ECSIT: variants seen among roughly 807,000 people sequenced by gnomAD.
ECSIT encodes evolutionarily conserved signaling intermediate in Toll pathway, mitochondrial.
A neutral mutation model predicts 36.8 loss-of-function variants in ECSIT; 29 were observed. That is an observed-to-expected ratio of 0.79 (90% CI 0.59 to 1.08). The LOEUF is 1.08. Among genes scored for constraint, ECSIT ranks in the 50% least tolerant of loss-of-function variants. The probability of loss-of-function intolerance (pLI) is 0.00; values close to 1 mark genes in which losing one functional copy is unlikely to be tolerated. For missense variants in ECSIT, 542 were observed against 581.0 expected (o/e 0.93, Z 0.69); for synonymous variants, 231 against 234.8 (o/e 0.98, Z 0.15).
chr19:11,512,850 G>A (rs1971898818), intron 4 of ECSIT, among the ~76,000 whole-genome samples: 1 of 152,092 alleles, frequency 6.6e-6, no homozygotes, highest in Non-Finnish European at 1.5e-5. Flanking sequence ...GGCTGAGGTG[G>A]AAAGATCGCT....
rs750524267 is a variant in ECSIT, at chr19:11,520,810, C to CT, written c.-23-1618dup. Among the ~76,000 whole-genome samples the CT allele has an allele frequency of 7.6e-3, 1,071 of 141,338 alleles. 6 individuals carry two copies. Among genetic ancestry groups the CT allele is most frequent in the Non-Finnish European group, 0.012 (755 of 64,450 alleles). 92.7% of individuals were successfully genotyped at this position (141,338 alleles called of 152,430 possible). A position where few individuals can be genotyped will look rare whatever the true frequency, so the allele number is the denominator to read the frequency against. The stretch of plus-strand genomic sequence containing the variant: ...ATAGTCGTGAGCCACCGCACCCGGG[C>CT]TTTTTTTTTTTTGAGATGGAGTTTC... On this transcript the variant is annotated intron_variant, in intron 1 of 7. Coordinates refer to ENST00000270517, the MANE Select transcript of ECSIT (RefSeq NM_016581.5).
intron 1 of ECSIT, among the ~76,000 whole-genome samples, chr19:11,521,272 C>T (rs772890480): frequency 6.6e-6 from 1 of 152,082 alleles, no homozygotes; most frequent in Non-Finnish European, 1.5e-5. Flanking sequence ...CATGTTTATA[C>T]TTCTCTTGGG....
chr19:11,506,998 A>G (rs1015896553), intron 7 of ECSIT, among the ~76,000 whole-genome samples: 2 of 152,256 alleles, frequency 1.3e-5, no homozygotes, highest in African/African-American at 4.8e-5. Flanking sequence ...TAAGCTCCCC[A>G]AAGTGTAATT....
At chr19:11,516,708 A>C (rs553760020) in intron 2 of ECSIT, among the ~76,000 whole-genome samples, 2 of 146,210 alleles carry the variant, frequency 1.4e-5, no homozygotes, top group East Asian at 2.0e-4. Context: ...CACACACACA[A>C]AACGCTAACA....
chr19:11,513,314 T>C, intron 3 of ECSIT, 35 bp from the exon 4 acceptor site: 1 of 1,560,338 alleles, frequency 6.4e-7, no homozygotes, highest in South Asian at 1.1e-5. Context: ...ACCTCAGAGA[T>C]GGAGGGGGAG....
chr19:11,517,520 C>T (rs1380753171), intron 2 of ECSIT, among the ~76,000 whole-genome samples: 4 of 151,674 alleles, frequency 2.6e-5, no homozygotes, highest in South Asian at 2.1e-4. Flanking sequence ...CACTTGAACC[C>T]GGGAGGCAGA....
rs2144991970 is a variant in ECSIT, at chr19:11,519,723, TC to T, written c.-23-531del. The T allele has an allele frequency of 6.4e-6, 1 of 155,296 alleles. No homozygotes were observed. The highest frequency in any genetic ancestry group is 2.0e-4 in the South Asian group (1 of 5,122). 9.6% of individuals were successfully genotyped at this position (155,296 alleles called of 1,614,324 possible). On this transcript the variant is annotated intron_variant, in intron 1 of 7. Transcript: ENST00000270517. The surrounding 1 kb of genome is among the most constrained non-coding windows in gnomAD (Gnocchi z 4.4). ...TGGCTCACGCCTGTAATCACAACATTCTGGGAGGCTGAGGCGGGCGGATCAC... is the reference window on the plus strand; with the variant it reads ...TGGCTCACGCCTGTAATCACAACATTTGGGAGGCTGAGGCGGGCGGATCAC...
At chr19:11,525,029 A>G (rs1421840168) in intron 1 of ECSIT, among the ~76,000 whole-genome samples, 1 of 151,864 alleles carries the variant, frequency 6.6e-6, no homozygotes, top group Non-Finnish European at 1.5e-5. Context: ...CCCAGCTACT[A>G]GGGAGGCTGA....
chr19:11,521,240 G>A (rs1332821041), intron 1 of ECSIT, among the ~76,000 whole-genome samples: 1 of 152,102 alleles, frequency 6.6e-6, no homozygotes, highest in East Asian at 1.9e-4. Flanking sequence ...ATGAACATTC[G>A]TGTAGAAGTT....
Position 11,514,278 on chromosome 19 carries a change from G to A in ECSIT, c.97-57C>T, listed in dbSNP as rs1296743107. The A allele has an allele frequency of 1.0e-5, 15 of 1,477,768 alleles. No homozygotes were observed. The African/African-American group carries it at 1.3e-4, about 12-fold the overall frequency. The allele number at this position is 1,477,768 out of a possible 1,614,324, so 91.5% of individuals were successfully genotyped here. A position where few individuals can be genotyped will look rare whatever the true frequency, so the allele number is the denominator to read the frequency against. On this transcript the variant is annotated intron_variant, in intron 2 of 7. Transcript: ENST00000270517. ...CACCTCTCAGTGTCTATGGGGGGCCGCCAGGCTGGCTCTTTCCTCAGAGAG... is the reference window on the plus strand; with the variant it reads ...CACCTCTCAGTGTCTATGGGGGGCCACCAGGCTGGCTCTTTCCTCAGAGAG...
At chr19:11,523,698 G>A in intron 1 of ECSIT, 1 of 710,226 alleles carries the variant, frequency 1.4e-6, no homozygotes, top group South Asian at 1.4e-5. Flanking sequence ...TAGGGGAATG[G>A]GTAGCGCTCT....
At chr19:11,515,700 C>T (rs1971985387) in intron 2 of ECSIT, among the ~76,000 whole-genome samples, 1 of 152,152 alleles carries the variant, frequency 6.6e-6, no homozygotes. Flanking sequence ...GTCACACGAT[C>T]TCAGCTCACT....
intron 1 of ECSIT, among the ~76,000 whole-genome samples, chr19:11,523,003 G>A (rs1599590245): frequency 2.0e-5 from 3 of 150,788 alleles, no homozygotes; most frequent in Admixed American, 1.3e-4. Flanking sequence ...CCCGGGAGGC[G>A]GAGCTTGCAG....
In ECSIT at chr19:11,506,373, C is replaced by G. The variant is rs1245948632; in HGVS notation, c.1107G>C (p.Thr369=). 6.2e-7 allele frequency: 1 copy of G among 1,613,658 alleles called. No individual in the cohort carries two copies. The change falls in exon 8 of 8, where the codon ACG becomes ACC. Residue 369 remains threonine, a synonymous_variant. Transcript: ENST00000270517. ...GCAGGCCCTGGATCCACTTAGCCATCGTCGCCTGGTCATGAGCACCCGCCA... is the reference window on the plus strand; with the variant it reads ...GCAGGCCCTGGATCCACTTAGCCATGGTCGCCTGGTCATGAGCACCCGCCA... ...MCMAGAHDQA[T]MAKWIQGLQE... is the part of the protein sequence containing the mutation.
chr19:11,524,302 T>G (rs1467691981), intron 1 of ECSIT, among the ~76,000 whole-genome samples: 1 of 151,878 alleles, frequency 6.6e-6, no homozygotes, highest in African/African-American at 2.4e-5. Context: ...GGTGGGCAGA[T>G]CACGAGGTCA....
chr19:11,520,382 G>A (rs1035141709), intron 1 of ECSIT, among the ~76,000 whole-genome samples: 1 of 152,074 alleles, frequency 6.6e-6, no homozygotes, highest in African/African-American at 2.4e-5. Flanking sequence ...ACGTTGGCCA[G>A]GCTGGTCTCG....
chr19:11,520,476 G>A (rs1972080702), intron 1 of ECSIT, among the ~76,000 whole-genome samples: 1 of 147,552 alleles, frequency 6.8e-6, no homozygotes, highest in Admixed American at 6.8e-5. Context: ...CTGGCCCACT[G>A]ACGTGTTTTC....
At position 11,505,957 on chromosome 19, in the gene ECSIT, T is replaced by G. The variant is rs767208791; in HGVS notation, c.*227A>C. 2 of 927,458 alleles carry G rather than the reference T, an allele frequency of 2.2e-6. No homozygotes were observed. The highest frequency in any genetic ancestry group is 1.6e-6 in the Non-Finnish European group (1 of 642,160). 57.5% of individuals were successfully genotyped at this position (927,458 alleles called of 1,614,324 possible). ...GCACAACCAACAGCGCTCCCGCCCC[T>G]TTTTATTTGAATTCGGAGAACCAGA... On this transcript the variant is annotated 3_prime_UTR_variant, in exon 8 of 8. Transcript: ENST00000270517.
At chr19:11,512,924 C>T in intron 4 of ECSIT, 132 bp downstream of exon 4, 2 of 920,472 alleles carry the variant, frequency 2.2e-6, no homozygotes, top group Non-Finnish European at 1.7e-6. Flanking sequence ...GCCTGGGCAA[C>T]AGAGCAAGAC....
Sources: allele counts gnomAD v4.1 joint callset (sites outside exome capture counted in the v4.1 genomes callset), GRCh38; gene constraint gnomAD v4.1.1; non-coding constraint Gnocchi (gnomAD v3.1); transcripts MANE v1.5; gene names NCBI Gene and HGNC (gene_info 2026-07-23, HGNC 2026-07-21).